The following ZNF280D variants were observed in gnomAD, a reference collection of about 807,000 sequenced individuals.
ZNF280D encodes suppressor of hairy wing homolog 4.
Under a neutral mutation model 94.7 loss-of-function variants are expected in ZNF280D, and 39 were observed. The observed-to-expected ratio is 0.41, with a 90% CI of 0.32 to 0.54. The LOEUF (loss-of-function observed/expected upper bound fraction) is 0.54. ZNF280D is among the 20% of genes least tolerant of loss of function. The probability of loss-of-function intolerance (pLI) is 0.22; values close to 1 mark genes in which losing one functional copy is unlikely to be tolerated. For synonymous variants in ZNF280D, 398 were observed against 377.6 expected (o/e 1.05, Z -0.63); for missense variants, 1,090 against 1,149.3 (o/e 0.95, Z 0.75).
intron 13 of ZNF280D, among the ~76,000 whole-genome samples, chr15:56,669,890 A>ACATATATATATAT (rs2054598598): frequency 1.5e-4 from 1 of 6,620 alleles, no homozygotes; most frequent in African/African-American, 6.3e-4. Flanking sequence ...TATATATATT[A>ACATATATATATAT]TATATATATA....
intron 1 of ZNF280D, among the ~76,000 whole-genome samples, chr15:56,715,551 C>T (rs2057994609): frequency 6.6e-6 from 1 of 152,038 alleles, no homozygotes; most frequent in Non-Finnish European, 1.5e-5. Flanking sequence ...TCAATTTATG[C>T]ATGAGTAGAG....
At chr15:56,660,991 G>C (rs940798148) in intron 16 of ZNF280D, among the ~76,000 whole-genome samples, 8 of 151,910 alleles carry the variant, frequency 5.3e-5, no homozygotes, top group Admixed American at 3.3e-4. Flanking sequence ...GTTTGGGGGA[G>C]AAAGGGGATG....
chr15:56,731,787 G>A (rs180954572), intron 1 of ZNF280D, among the ~76,000 whole-genome samples: 1 of 152,302 alleles, frequency 6.6e-6, no homozygotes, highest in African/African-American at 2.4e-5. Context: ...CAAAAAGGTA[G>A]CGTTAAAACT....
At chr15:56,715,286 A>C (rs2057982118) in intron 1 of ZNF280D, among the ~76,000 whole-genome samples, 1 of 152,132 alleles carries the variant, frequency 6.6e-6, no homozygotes. Flanking sequence ...ACTTTTTTTA[A>C]AAAATAAAAC....
chr15:56,720,996 T>G (rs1323429380), intron 1 of ZNF280D, among the ~76,000 whole-genome samples: 1 of 145,052 alleles, frequency 6.9e-6, no homozygotes, highest in Non-Finnish European at 1.5e-5. Context: ...AGAGTCTCGC[T>G]CCATTGACCA....
At chr15:56,658,526 A>G (rs747947583) in intron 16 of ZNF280D, 40 bp from the exon 17 acceptor site, 7 of 1,370,602 alleles carry the variant, frequency 5.1e-6, no homozygotes, top group African/African-American at 1.5e-5. Context: ...TTATTATACA[A>G]TAAGTCACAT....
intron 1 of ZNF280D, among the ~76,000 whole-genome samples, chr15:56,716,851 C>T (rs74755324): frequency 1.3e-5 from 2 of 152,204 alleles, no homozygotes; most frequent in African/African-American, 4.8e-5. Flanking sequence ...TTTATTGGCT[C>T]ATTTGTAGAA....
intron 6 of ZNF280D, chr15:56,700,476 C>T: frequency 1.1e-6 from 1 of 950,934 alleles, no homozygotes; most frequent in Non-Finnish European, 1.3e-6. Flanking sequence ...CTTTTTGTAA[C>T]AAAAAAAGTG....
intron 1 of ZNF280D, among the ~76,000 whole-genome samples, chr15:56,713,544 T>C (rs1351944614): frequency 4.6e-5 from 7 of 152,214 alleles, no homozygotes; most frequent in African/African-American, 1.7e-4. Context: ...CTTTAGTCTT[T>C]ATGTCACTAA....
intron 1 of ZNF280D, among the ~76,000 whole-genome samples, chr15:56,708,551 T>C (rs1225777388): frequency 1.2e-4 from 18 of 152,196 alleles, no homozygotes; most frequent in Non-Finnish European, 2.1e-4. Flanking sequence ...ATCTACTGGC[T>C]TCAGAATTTT....
chr15:56,708,824 G>A (rs1034408590), intron 1 of ZNF280D, among the ~76,000 whole-genome samples: 12 of 152,048 alleles, frequency 7.9e-5, no homozygotes, highest in Non-Finnish European at 2.9e-5. Context: ...GCTGAAACTG[G>A]ATCCCTTCCT....
At chr15:56,649,613 T>G (rs562654815) in intron 19 of ZNF280D, among the ~76,000 whole-genome samples, 94 of 152,140 alleles carry the variant, frequency 6.2e-4, no homozygotes, top group Admixed American at 1.6e-3. Context: ...CAGTTTGTTT[T>G]TTTTTTTTAA....
At chr15:56,731,784 G>A (rs939094147) in intron 1 of ZNF280D, among the ~76,000 whole-genome samples, 6 of 152,108 alleles carry the variant, frequency 3.9e-5, no homozygotes, top group Non-Finnish European at 8.8e-5. Context: ...TGGCAAAAAG[G>A]TAGCGTTAAA....
chr15:56,635,124 T>C, intron 21 of ZNF280D, 71 bp downstream of exon 21: 1 of 933,144 alleles, frequency 1.1e-6, no homozygotes, highest in East Asian at 2.9e-5. Flanking sequence ...CAGTTAACTG[T>C]GAAATAATGC....
chr15:56,678,571 T>G, intron 11 of ZNF280D, 93 bp downstream of exon 11: 1 of 1,198,552 alleles, frequency 8.3e-7, no homozygotes, highest in Non-Finnish European at 1.1e-6. Flanking sequence ...CTAGTTCTCA[T>G]TCTCATTTTT....
intron 1 of ZNF280D, among the ~76,000 whole-genome samples, chr15:56,725,188 T>C (rs1283851026): frequency 6.6e-6 from 1 of 152,086 alleles, no homozygotes; most frequent in Admixed American, 6.5e-5. Flanking sequence ...ACTGATCATC[T>C]TTGCTTTGGT....
chr15:56,630,630 C>T lies in ZNF280D; in HGVS notation c.*868G>A, dbSNP rs2052039149. The T allele has an allele frequency of 6.6e-6, 1 of 152,028 alleles. No homozygotes were observed. Among genetic ancestry groups the T allele is most frequent in the South Asian group, 2.1e-4 (1 of 4,820 alleles). The allele number at this position is 152,028 out of a possible 1,614,324, so 9.4% of individuals were successfully genotyped here. ...CCATACTTTGGTTTGGCTTCCAGAC[C>T]ATTTTTATGGGCCTATTTCTAAGGA... On this transcript the variant is annotated 3_prime_UTR_variant, in exon 22 of 22. Coordinates refer to ENST00000267807, the MANE Select transcript of ZNF280D (RefSeq NM_017661.4).
At chr15:56,715,410 G>T (rs997744410) in intron 1 of ZNF280D, among the ~76,000 whole-genome samples, 1 of 152,126 alleles carries the variant, frequency 6.6e-6, no homozygotes, top group Non-Finnish European at 1.5e-5. Flanking sequence ...TGTGTGTGAT[G>T]CAACAGATGA....
rs200838656 is a variant in ZNF280D at position 56,717,455 on chromosome 15, TAAC to T, written c.-85-10152_-85-10150del. On this transcript the variant is annotated intron_variant, in intron 1 of 21. Transcript: ENST00000267807. ...GAACTTTGTGTGGCTCAAGTAATAA[TAAC>T]AACAACAGTAATATTTACTTGTTTT... Among the ~76,000 whole-genome samples the T allele has an allele frequency of 2.1e-3, 315 of 152,164 alleles. 1 individual carries two copies. The highest frequency in any genetic ancestry group is 7.2e-3 in the African/African-American group (298 of 41,536).
Sources: gnomAD v4.1 joint callset for allele counts (sites outside exome capture counted in the v4.1 genomes callset) on GRCh38, gnomAD v4.1.1 for gene constraint, MANE v1.5 for transcripts, NCBI Gene and HGNC (gene_info 2026-07-23, HGNC 2026-07-21) for gene names.